The following SPINK5 variants were observed in gnomAD, a reference collection of about 807,000 sequenced individuals.
SPINK5 encodes the protein serine protease inhibitor Kazal-type 5.
SPINK5 carries 125 observed loss-of-function variants against 151.8 expected under a neutral mutation model. The observed-to-expected ratio is 0.82, with a 90% CI of 0.71 to 0.96. The LOEUF (loss-of-function observed/expected upper bound fraction) is 0.96, where lower values mean the gene tolerates loss of function less well. SPINK5 is among the 40% of genes least tolerant of loss of function. SPINK5 has a pLI of 0.00. For synonymous variants in SPINK5, 374 were observed against 395.3 expected, an observed-to-expected ratio of 0.95 and a Z score of 0.64; for missense variants, 1,194 against 1,291.9, an observed-to-expected ratio of 0.92 and a Z score of 1.16.
At chr5:148,112,453 T>C (rs1364020921) in intron 19 of SPINK5, among the ~76,000 whole-genome samples, 1 of 152,122 alleles carries the variant, frequency 6.6e-6, no homozygotes, top group African/African-American at 2.4e-5. Flanking sequence ...GGCGGGCAGA[T>C]GACGAGGTCA....
At chr5:148,125,462 A>G in intron 28 of SPINK5, 1 of 1,459,864 alleles carries the variant, frequency 6.8e-7, no homozygotes, top group Non-Finnish European at 9.5e-7. Flanking sequence ...AGGATGGATG[A>G]ACGGGAGAAA....
chr5:148,086,949 A>G, intron 5 of SPINK5, among the ~76,000 whole-genome samples: 1 of 74,406 alleles, frequency 1.3e-5, no homozygotes, highest in South Asian at 7.0e-4. Context: ...ATTATCATAT[A>G]TAACAGATTA....
intron 4 of SPINK5, among the ~76,000 whole-genome samples, chr5:148,079,461 AACT>A (rs1420597082): frequency 1.3e-5 from 2 of 151,204 alleles, no homozygotes; most frequent in African/African-American, 4.8e-5. Context: ...AAAAGCAGAA[AACT>A]ACTGACAAAT....
Position 148,100,572 on chromosome 5 carries a change from A to C in SPINK5, c.1211A>C (p.Glu404Ala). 6.2e-7 allele frequency: 1 copy of C among 1,613,032 alleles called. No individual in the cohort carries two copies. Among genetic ancestry groups the C allele is most frequent in the Non-Finnish European group, 8.5e-7 (1 of 1,179,266 alleles). The change falls in exon 13 of 33, where the codon GAG becomes GCG. Residue 404 changes from glutamate (E) to alanine (A), a missense_variant. Glu to Ala is a moderately radical substitution (Grantham distance 107). Coordinates refer to ENST00000256084, the MANE Select transcript of SPINK5 (RefSeq NM_006846.4). ...KVHGNTCSMC[E>A]VFFQAEEEEK... ...CATGGCAACACCTGCTCCATGTGTG[A>C]GGTCTTCTTGTGAGTAGCCCTGCAG...
intron 26 of SPINK5, among the ~76,000 whole-genome samples, chr5:148,120,734 C>A (rs1000284379): frequency 6.6e-6 from 1 of 152,154 alleles, no homozygotes; most frequent in Non-Finnish European, 1.5e-5. Context: ...CAAGTCTCAG[C>A]CTCCCAAAGT....
rs1754714882 is a variant in SPINK5 at position 148,137,099 on chromosome 5, T to G, written c.*108T>G. ...ATTCTTCGGAGCTTGTCTTATTTGC[T>G]ATAGAAAACAATACAGAGCTTTTGG... On this transcript the variant is annotated 3_prime_UTR_variant, in exon 33 of 33. Transcript: ENST00000256084. The G allele has an allele frequency of 1.1e-5, 16 of 1,445,060 alleles. 1 individual carries two copies. The South Asian group carries it at 1.8e-4, about 17-fold the overall frequency. The allele number at this position is 1,445,060 out of a possible 1,614,324, so 89.5% of individuals were successfully genotyped here. A position where few individuals can be genotyped will look rare whatever the true frequency, so the allele number is the denominator to read the frequency against.
At chr5:148,131,237 G>A (rs760844973) in intron 30 of SPINK5, 22 bp from the exon 31 acceptor site, 6 of 1,613,332 alleles carry the variant, frequency 3.7e-6, no homozygotes, top group Admixed American at 1.7e-5. Flanking sequence ...AAGTACGTCT[G>A]CTTTATTTTT....
In SPINK5 at chr5:148,137,315, G is replaced by T; in HGVS notation, c.*324G>T. ...TTCTGGGATTTCTTTGTCACTATCT[G>T]GATAATAGATATTTGCTTTTAAAGA... On this transcript the variant is annotated 3_prime_UTR_variant, in exon 33 of 33. Coordinates refer to ENST00000256084, the MANE Select transcript of SPINK5 (RefSeq NM_006846.4). The T allele has an allele frequency of 7.1e-6, 3 of 423,454 alleles. No individual in the cohort carries two copies. The highest frequency in any genetic ancestry group is 3.4e-5 in the South Asian group (1 of 29,162). The allele number at this position is 423,454 out of a possible 1,614,324, so 26.2% of individuals were successfully genotyped here. A position where few individuals can be genotyped will look rare whatever the true frequency, so the allele number is the denominator to read the frequency against.
At chr5:148,088,107 TA>T (rs1753209118) in intron 5 of SPINK5, among the ~76,000 whole-genome samples, 1 of 151,810 alleles carries the variant, frequency 6.6e-6, no homozygotes, top group Non-Finnish European at 1.5e-5. Flanking sequence ...ATGTACTTTC[TA>T]TGAAAAATAA....
At chr5:148,073,455 A>T (rs114760852) in intron 4 of SPINK5, among the ~76,000 whole-genome samples, 1 of 151,838 alleles carries the variant, frequency 6.6e-6, no homozygotes, top group Non-Finnish European at 1.5e-5. Flanking sequence ...AGCTACTTTT[A>T]TATTCTACAA....
At chr5:148,114,542 T>A in intron 21 of SPINK5, 53 bp downstream of exon 21, 11 of 1,609,078 alleles carry the variant, frequency 6.8e-6, no homozygotes, top group Non-Finnish European at 9.3e-6. Flanking sequence ...GGGGAAGCAA[T>A]GAGCCAGGCA....
chr5:148,095,761 C>T, intron 9 of SPINK5, 57 bp from the exon 10 acceptor site: 3 of 1,438,372 alleles, frequency 2.1e-6, no homozygotes, highest in Non-Finnish European at 2.9e-6. Context: ...TACCTAATGA[C>T]TGTTTTGTAA....
chr5:148,098,006 G>A lies in SPINK5; in HGVS notation c.1010+12G>A, dbSNP rs371838836. 36 of 1,609,840 alleles carry A rather than the reference G, an allele frequency of 2.2e-5. No homozygotes were observed. Among genetic ancestry groups the A allele is most frequent in the Non-Finnish European group, 3.0e-5 (35 of 1,177,160 alleles). The stretch of plus-strand genomic sequence containing the variant: ...TGTCAAGCCTACTTGTGAGTATAGA[G>A]TTTTAGAATGTCAAAGAAAGAAGGG... On this transcript the variant is annotated intron_variant, in intron 11 of 32. Coordinates refer to ENST00000256084, the MANE Select transcript of SPINK5 (RefSeq NM_006846.4).
chr5:148,101,835 A>G lies in SPINK5; in HGVS notation c.1357A>G (p.Arg453Gly), dbSNP rs1180352514. 6.2e-7 allele frequency: 1 copy of G among 1,613,870 alleles called. No homozygotes were observed. Among genetic ancestry groups the G allele is most frequent in the Non-Finnish European group, 8.5e-7 (1 of 1,179,826 alleles). ...GAAAAACGGACGGCTTTTTTGCACC[A>G]GAGAGAATGACCCCATCCAGGGCCC... The part of the protein sequence containing the change: ...SRKNGRLFCT[R>G]ENDPIQGPDG... Residue 453 changes from arginine to glycine, a missense_variant, in exon 15 of 33, where the codon AGA becomes GGA. Physicochemically the swap from Arg to Gly is moderately radical, Grantham distance 125. Transcript: ENST00000256084.
In SPINK5 at chr5:148,130,606, A is replaced by G. The variant is rs1037484944; in HGVS notation, c.2965-653A>G. On this transcript the variant is annotated intron_variant, in intron 30 of 32. Coordinates refer to ENST00000256084, the MANE Select transcript of SPINK5 (RefSeq NM_006846.4). The stretch of plus-strand genomic sequence containing the variant: ...AGAGCAAATATGTTTCTTCTTTTAC[A>G]TGGAAAATATACATATGTTTTTTAC... Among the ~76,000 whole-genome samples the G allele has an allele frequency of 2.0e-5, 3 of 152,260 alleles. No homozygotes were observed. The East Asian group carries it at 5.8e-4, about 29-fold the overall frequency.
At chr5:148,124,985 C>A in intron 28 of SPINK5, 148 bp downstream of exon 28, 1 of 1,221,940 alleles carries the variant, frequency 8.2e-7, no homozygotes, top group Non-Finnish European at 1.1e-6. Flanking sequence ...TGTATCATAA[C>A]AAGATTTTTG....
chr5:148,073,645 A>C (rs952010503), intron 4 of SPINK5, among the ~76,000 whole-genome samples: 2 of 151,862 alleles, frequency 1.3e-5, no homozygotes, highest in Admixed American at 1.3e-4. Context: ...AAAAAGCAAA[A>C]TACACACAAA....
At chr5:148,134,794 A>G (rs1328722472) in intron 32 of SPINK5, among the ~76,000 whole-genome samples, 1 of 152,120 alleles carries the variant, frequency 6.6e-6, no homozygotes, top group Non-Finnish European at 1.5e-5. Context: ...AATGCATTAT[A>G]TTTAATAAAG....
At chr5:148,109,538 A>G (rs563268882) in intron 18 of SPINK5, among the ~76,000 whole-genome samples, 1 of 150,566 alleles carries the variant, frequency 6.6e-6, no homozygotes, top group South Asian at 2.1e-4. Context: ...TACAAATAAT[A>G]TCATATATAA....
Sources: gnomAD v4.1 joint callset for allele counts (sites outside exome capture counted in the v4.1 genomes callset) on GRCh38, gnomAD v4.1.1 for gene constraint, MANE v1.5 for transcripts, NCBI Gene and HGNC (gene_info 2026-07-23, HGNC 2026-07-21) for gene names.